The following FHIT variants were observed in gnomAD, a reference collection of about 807,000 sequenced individuals.
The protein encoded by FHIT is fragile histidine triad diadenosine triphosphatase.
A neutral mutation model predicts 17.9 loss-of-function variants in FHIT; 19 were observed. The observed-to-expected ratio is 1.06, with a 90% CI of 0.74 to 1.56. The LOEUF is 1.56. Ranked by LOEUF, FHIT falls within the 40% of genes most tolerant of loss-of-function variation. The probability of loss-of-function intolerance (pLI) is 0.00; values close to 1 mark genes in which losing one functional copy is unlikely to be tolerated. For missense variants in FHIT, 248 were observed against 189.2 expected, an observed-to-expected ratio of 1.31 and a Z score of -1.82; for synonymous variants, 81 against 69.7, an observed-to-expected ratio of 1.16 and a Z score of -0.81.
intron 5 of FHIT, among the ~76,000 whole-genome samples, chr3:60,399,011 C>CT (rs1011487920): frequency 7.2e-5 from 11 of 152,152 alleles, no homozygotes; most frequent in Admixed American, 3.3e-4. Flanking sequence ...GATTAATAGA[C>CT]TTTTTTGAAA....
chr3:60,348,202 A>T (rs970624799), intron 5 of FHIT, among the ~76,000 whole-genome samples: 1 of 152,244 alleles, frequency 6.6e-6, no homozygotes, highest in Non-Finnish European at 1.5e-5. Context: ...TGTTTAACAA[A>T]TCAATGGATG....
At chr3:60,004,060 C>T (rs1029809384) in intron 7 of FHIT, among the ~76,000 whole-genome samples, 5 of 152,096 alleles carry the variant, frequency 3.3e-5, no homozygotes, top group African/African-American at 1.2e-4. Context: ...GCACTAGTAT[C>T]CTATAGCAAA....
chr3:59,827,405 A>G (rs922363082), intron 8 of FHIT, among the ~76,000 whole-genome samples: 1 of 152,242 alleles, frequency 6.6e-6, no homozygotes, highest in Non-Finnish European at 1.5e-5. Flanking sequence ...CTGATTGTCT[A>G]CTGGATACAA....
chr3:60,180,203 A>T (rs1209758057), intron 5 of FHIT, among the ~76,000 whole-genome samples: 1 of 152,194 alleles, frequency 6.6e-6, no homozygotes, highest in Non-Finnish European at 1.5e-5. Context: ...GTGATTTTTA[A>T]CTAGGAAGAT....
intron 2 of FHIT, among the ~76,000 whole-genome samples, chr3:61,085,649 T>A (rs1289415752): frequency 6.6e-6 from 1 of 152,150 alleles, no homozygotes; most frequent in East Asian, 1.9e-4. Context: ...AGTGTTTTTT[T>A]CTTTTAGGAA....
At chr3:60,511,523 G>A (rs1415339302) in intron 5 of FHIT, among the ~76,000 whole-genome samples, 1 of 152,074 alleles carries the variant, frequency 6.6e-6, no homozygotes, top group Non-Finnish European at 1.5e-5. Flanking sequence ...GTACTATAGG[G>A]TCTTAGAATA....
chr3:60,036,257 C>G (rs953234531), intron 5 of FHIT, among the ~76,000 whole-genome samples: 2 of 152,196 alleles, frequency 1.3e-5, no homozygotes, highest in African/African-American at 4.8e-5. Context: ...TTTTCCAGAT[C>G]TAAGTTAGAT....
In FHIT at chr3:60,998,548, A is replaced by C. The variant is rs1328674185; in HGVS notation, c.-111+43499T>G. Among the ~76,000 whole-genome samples, 7 of 152,258 alleles carry C rather than the reference A, an allele frequency of 4.6e-5. No homozygotes were observed. The East Asian group carries it at 1.4e-3, about 30-fold the overall frequency. ...TCCCCTCCCTACCCCTAATTGAGCT[A>C]ATTTGAACCATAGTGCCATTCAGAA... On this transcript the variant is annotated intron_variant, in intron 3 of 9. Coordinates refer to ENST00000492590, the MANE Select transcript of FHIT (RefSeq NM_002012.4).
intron 2 of FHIT, among the ~76,000 whole-genome samples, chr3:61,049,743 T>C (rs888401254): frequency 7.2e-5 from 11 of 152,280 alleles, no homozygotes; most frequent in South Asian, 4.1e-4. Context: ...TATGACACCT[T>C]GGTATTTAAG....
At chr3:59,847,798 C>G (rs557678043) in intron 8 of FHIT, among the ~76,000 whole-genome samples, 3 of 152,234 alleles carry the variant, frequency 2.0e-5, no homozygotes, top group Non-Finnish European at 4.4e-5. Context: ...AAGGATCACT[C>G]TGAGGTATAA....
At chr3:59,750,145 AAGACAGAAGC>A (rs1700814607) in intron 9 of FHIT, 1 of 226,952 alleles carries the variant, frequency 4.4e-6, no homozygotes, top group African/African-American at 2.2e-5. Context: ...GCCTCCAGGC[AAGACAGAAGC>A]AAAAACTGAC....
At chr3:60,187,200 G>C (rs2107457207) in intron 5 of FHIT, among the ~76,000 whole-genome samples, 1 of 152,202 alleles carries the variant, frequency 6.6e-6, no homozygotes, top group East Asian at 1.9e-4. Context: ...CCTCTCACTG[G>C]AGTCAGCGTG....
chr3:60,811,241 A>G (rs1313158327), intron 4 of FHIT, among the ~76,000 whole-genome samples: 1 of 152,186 alleles, frequency 6.6e-6, no homozygotes, highest in Non-Finnish European at 1.5e-5. Flanking sequence ...TTGGAGTTCT[A>G]TAAGAAGAAA....
intron 3 of FHIT, among the ~76,000 whole-genome samples, chr3:61,019,748 T>C (rs1183288869): frequency 6.6e-6 from 1 of 152,226 alleles, no homozygotes; most frequent in Admixed American, 6.5e-5. Context: ...ACATTCCTAC[T>C]CAGAGCTCTC....
At chr3:60,321,504 C>T (rs771117004) in intron 5 of FHIT, among the ~76,000 whole-genome samples, 1 of 152,056 alleles carries the variant, frequency 6.6e-6, no homozygotes, top group Non-Finnish European at 1.5e-5. Context: ...TTATAGCCAC[C>T]TAAAAGGTTA....
intron 5 of FHIT, among the ~76,000 whole-genome samples, chr3:60,029,907 G>GTGTGTGTGTGTGTGTGTGTGTGTGTC (rs1553655785): frequency 1.2e-4 from 16 of 132,630 alleles, no homozygotes; most frequent in African/African-American, 5.2e-4. Context: ...CTGTGTGTGT[G>GTGTGTGTGTGTGTGTGTGTGTGTGTC]TGTGTGTGTG....
chr3:61,216,080 T>C (rs2039665622), intron 1 of FHIT, among the ~76,000 whole-genome samples: 1 of 152,118 alleles, frequency 6.6e-6, no homozygotes, highest in Admixed American at 6.5e-5. Flanking sequence ...GACATAGGCA[T>C]GGGCAAGGAC....
At chr3:60,620,852 C>A (rs1159875738) in intron 4 of FHIT, among the ~76,000 whole-genome samples, 1 of 151,998 alleles carries the variant, frequency 6.6e-6, no homozygotes, top group East Asian at 1.9e-4. Flanking sequence ...AAAAAATATA[C>A]CACACTAATG....
chr3:61,160,560 A>G (rs2037658878), intron 2 of FHIT, among the ~76,000 whole-genome samples: 1 of 152,222 alleles, frequency 6.6e-6, no homozygotes, highest in African/African-American at 2.4e-5. Flanking sequence ...AGGAACATAC[A>G]GTGGAAGAGA....
Sources: allele counts gnomAD v4.1 joint callset (sites outside exome capture counted in the v4.1 genomes callset), GRCh38; gene constraint gnomAD v4.1.1; transcripts MANE v1.5; gene names NCBI Gene and HGNC (gene_info 2026-07-23, HGNC 2026-07-21).